Variants in MAP4K3 observed in about 807,000 individuals in gnomAD.
MAP4K3 encodes the protein MAPK/ERK kinase kinase kinase 3.
Under a neutral mutation model 143.5 loss-of-function variants are expected in MAP4K3, and 94 were observed. That is an observed-to-expected ratio of 0.65 (90% CI 0.55 to 0.78). The LOEUF (loss-of-function observed/expected upper bound fraction) is 0.78, where lower values mean the gene tolerates loss of function less well. MAP4K3 is among the 30% of genes least tolerant of loss of function. The probability of loss-of-function intolerance (pLI) is 0.00; values close to 1 mark genes in which losing one functional copy is unlikely to be tolerated. For missense variants in MAP4K3, 1,077 were observed against 1,068.1 expected (o/e 1.01, Z -0.12); for synonymous variants, 416 against 347.2 (o/e 1.20, Z -2.20).
intron 1 of MAP4K3, among the ~76,000 whole-genome samples, chr2:39,415,474 G>A (rs1397312974): frequency 6.6e-6 from 1 of 152,082 alleles, no homozygotes; most frequent in African/African-American, 2.4e-5. Context: ...AAAGGAGACA[G>A]TCAATTAAAA....
At chr2:39,256,641 A>G (rs941925057) in intron 31 of MAP4K3, among the ~76,000 whole-genome samples, 1 of 152,154 alleles carries the variant, frequency 6.6e-6, no homozygotes, top group African/African-American at 2.4e-5. Flanking sequence ...TTTTATTTAG[A>G]TTTTTAAAAA....
At chr2:39,321,850 T>G (rs551873961) in intron 12 of MAP4K3, among the ~76,000 whole-genome samples, 1 of 152,366 alleles carries the variant, frequency 6.6e-6, no homozygotes, top group East Asian at 1.9e-4. Flanking sequence ...ACCTTGTCTA[T>G]GATGCAAAGA....
At chr2:39,389,496 G>A (rs1666596072) in intron 1 of MAP4K3, among the ~76,000 whole-genome samples, 2 of 151,970 alleles carry the variant, frequency 1.3e-5, no homozygotes, top group African/African-American at 4.8e-5. Flanking sequence ...CACACTACAT[G>A]AAACTGCAAA....
chr2:39,407,893 T>A (rs1667138119), intron 1 of MAP4K3, among the ~76,000 whole-genome samples: 1 of 151,928 alleles, frequency 6.6e-6, no homozygotes, highest in African/African-American at 2.4e-5. Context: ...GGTTTTTTAA[T>A]GCAGATGAAA....
At position 39,332,004 on chromosome 2, in the gene MAP4K3, G is replaced by A. The variant is rs780670331; in HGVS notation, c.458-15C>T. 1 of 1,454,510 alleles carries A rather than the reference G, an allele frequency of 6.9e-7. No individual in the cohort carries two copies. Among genetic ancestry groups the A allele is most frequent in the East Asian group, 2.3e-5 (1 of 43,676 alleles). 90.1% of individuals were successfully genotyped at this position (1,454,510 alleles called of 1,614,324 possible). On this transcript the variant is annotated splice_polypyrimidine_tract_variant and intron_variant, in intron 7 of 33. Transcript: ENST00000263881. The stretch of plus-strand genomic sequence containing the variant: ...TCCAAAATCAGCTATTAAAAAAAAT[G>A]AGAAACATTTAGGAAACTGAGAGAA...
At chr2:39,341,238 C>T (rs1665130890) in intron 4 of MAP4K3, among the ~76,000 whole-genome samples, 1 of 152,132 alleles carries the variant, frequency 6.6e-6, no homozygotes, top group Non-Finnish European at 1.5e-5. Flanking sequence ...GACAATGGCC[C>T]ACCTTCTTCA....
chr2:39,427,825 T>A (rs1345549551), intron 1 of MAP4K3, among the ~76,000 whole-genome samples: 1 of 152,228 alleles, frequency 6.6e-6, no homozygotes, highest in Non-Finnish European at 1.5e-5. Context: ...TCTAAATTCT[T>A]CAACTGGCAT....
chr2:39,413,688 G>C (rs866676935), intron 1 of MAP4K3, among the ~76,000 whole-genome samples: 3 of 151,764 alleles, frequency 2.0e-5, no homozygotes, highest in African/African-American at 4.8e-5. Context: ...CCAGGGTAGA[G>C]GTGGGCCCCC....
At chr2:39,409,970 T>C (rs577151130) in intron 1 of MAP4K3, among the ~76,000 whole-genome samples, 1 of 152,342 alleles carries the variant, frequency 6.6e-6, no homozygotes, top group Non-Finnish European at 1.5e-5. Flanking sequence ...CAGAAAGGTA[T>C]TTCCATTGTT....
intron 33 of MAP4K3, 107 bp downstream of exon 33, chr2:39,251,723 T>C (rs1680160504): frequency 3.3e-6 from 3 of 907,190 alleles, no homozygotes; most frequent in African/African-American, 1.7e-5. Flanking sequence ...AAATTCAATG[T>C]TGAACATATT....
intron 16 of MAP4K3, among the ~76,000 whole-genome samples, chr2:39,295,761 C>T (rs1012913808): frequency 1.5e-5 from 2 of 137,564 alleles, no homozygotes; most frequent in South Asian, 4.5e-4. Context: ...TTTTTTGGTC[C>T]AGTCTGGAGT....
Position 39,347,646 on chromosome 2 carries a change from A to G in MAP4K3, c.246-4194T>C, listed in dbSNP as rs76390696. Among the ~76,000 whole-genome samples the G allele has an allele frequency of 6.7e-3, 1,022 of 152,204 alleles. 15 individuals are homozygous for G. The highest frequency in any genetic ancestry group is 0.023 in the African/African-American group (973 of 41,500). On this transcript the variant is annotated intron_variant, in intron 3 of 33. Transcript: ENST00000263881. ...AAATTAACTTGTAGTGTAGTGTAGT[A>G]TAACTTAAATTAACTTGTAAATTAA...
chr2:39,426,027 T>C (rs1026687269), intron 1 of MAP4K3, among the ~76,000 whole-genome samples: 1 of 152,186 alleles, frequency 6.6e-6, no homozygotes, highest in Non-Finnish European at 1.5e-5. Context: ...CATAATTTAC[T>C]TATTAATTAG....
intron 2 of MAP4K3, among the ~76,000 whole-genome samples, chr2:39,370,067 T>A (rs1457156562): frequency 2.0e-5 from 3 of 152,192 alleles, no homozygotes; most frequent in African/African-American, 7.2e-5. Context: ...TAAATAAACA[T>A]CCTTGAAGCC....
chr2:39,337,428 TA>T, intron 5 of MAP4K3, 97 bp downstream of exon 5: 2 of 803,718 alleles, frequency 2.5e-6, no homozygotes, highest in Non-Finnish European at 4.0e-6. Flanking sequence ...TTTACCAAAC[TA>T]AAATATTTAG....
intron 13 of MAP4K3, among the ~76,000 whole-genome samples, chr2:39,309,787 T>C (rs1271063531): frequency 6.6e-6 from 1 of 151,864 alleles, no homozygotes; most frequent in East Asian, 1.9e-4. Context: ...CTCGATCCCC[T>C]GACCTCGTGA....
chr2:39,362,466 T>C (rs892698567), intron 2 of MAP4K3, among the ~76,000 whole-genome samples: 37 of 152,082 alleles, frequency 2.4e-4, no homozygotes, highest in African/African-American at 8.9e-4. Context: ...ATAATCCCAA[T>C]TGCAACAGCA....
Position 39,345,637 on chromosome 2 carries a change from G to A in MAP4K3, c.246-2185C>T, listed in dbSNP as rs114710630. ...TCTAGAAAATAATGCTAAAAAGAGTGGGCCAGATGCAGTGGCTCACGCCTG... is the reference window on the plus strand; with the variant it reads ...TCTAGAAAATAATGCTAAAAAGAGTAGGCCAGATGCAGTGGCTCACGCCTG... On this transcript the variant is annotated intron_variant, in intron 3 of 33. Coordinates refer to ENST00000263881, the MANE Select transcript of MAP4K3 (RefSeq NM_003618.4). 7.9e-3 allele frequency among the ~76,000 whole-genome samples: 1,208 copies of A among 152,138 alleles called. 16 individuals are homozygous for A. Among genetic ancestry groups the A allele is most frequent in the African/African-American group, 0.028 (1,156 of 41,508 alleles).
intron 1 of MAP4K3, among the ~76,000 whole-genome samples, chr2:39,430,567 G>A (rs1455087908): frequency 1.3e-5 from 2 of 151,956 alleles, no homozygotes; most frequent in South Asian, 2.1e-4. Flanking sequence ...CTCTTGAATC[G>A]AAGGTTTTTT....
Sources: allele counts gnomAD v4.1 joint callset (sites outside exome capture counted in the v4.1 genomes callset), GRCh38; gene constraint gnomAD v4.1.1; transcripts MANE v1.5; gene names NCBI Gene and HGNC (gene_info 2026-07-23, HGNC 2026-07-21).